RYR3: variants seen among roughly 807,000 people sequenced by gnomAD.
RYR3 encodes the protein brain ryanodine receptor-calcium release channel.
A neutral mutation model predicts 584.3 loss-of-function variants in RYR3; 207 were observed. The observed-to-expected ratio is 0.35, with a 90% confidence interval of 0.32 to 0.40. The LOEUF (loss-of-function observed/expected upper bound fraction) is 0.40. Ranked by LOEUF, RYR3 falls within the 10% of genes least tolerant of loss-of-function variation. The probability of loss-of-function intolerance (pLI) is 1.00; values close to 1 mark genes in which losing one functional copy is unlikely to be tolerated. For synonymous variants in RYR3, 2,416 were observed against 2,248.5 expected, an observed-to-expected ratio of 1.07 and a Z score of -2.11; for missense variants, 5,616 against 6,089.2, an observed-to-expected ratio of 0.92 and a Z score of 2.59.
intron 3 of RYR3, among the ~76,000 whole-genome samples, chr15:33,505,766 A>G (rs752393371): frequency 6.6e-6 from 1 of 152,190 alleles, no homozygotes; most frequent in Non-Finnish European, 1.5e-5. Flanking sequence ...TGCTGGGATT[A>G]CAAGTGTGAG....
intron 2 of RYR3, among the ~76,000 whole-genome samples, chr15:33,496,444 G>C (rs2051432744): frequency 6.6e-6 from 1 of 152,182 alleles, no homozygotes; most frequent in African/African-American, 2.4e-5. Context: ...GCCTGATGCA[G>C]TGGTGTACTA....
At chr15:33,368,473 T>G (rs969424950) in intron 1 of RYR3, among the ~76,000 whole-genome samples, 4 of 150,466 alleles carry the variant, frequency 2.7e-5, no homozygotes, top group African/African-American at 9.8e-5. Context: ...AGCCCCCACA[T>G]TAGTCTGTGT....
At chr15:33,787,568 G>T (rs2074814893) in intron 66 of RYR3, among the ~76,000 whole-genome samples, 2 of 150,802 alleles carry the variant, frequency 1.3e-5, no homozygotes, top group Admixed American at 1.3e-4. Flanking sequence ...AAGGCATATT[G>T]CTCTTTCTCT....
chr15:33,810,437 A>G (rs2076460594), intron 70 of RYR3, 42 bp from the exon 71 acceptor site: 4 of 1,606,126 alleles, frequency 2.5e-6, no homozygotes, highest in Non-Finnish European at 3.4e-6. Flanking sequence ...CTTTGGGAGA[A>G]TCACTGAACC....
chr15:33,582,627 C>T (rs1470066101), intron 14 of RYR3, among the ~76,000 whole-genome samples: 1 of 152,160 alleles, frequency 6.6e-6, no homozygotes, highest in Non-Finnish European at 1.5e-5. Flanking sequence ...ACTGTCATTT[C>T]ACTGATGATG....
intron 11 of RYR3, 51 bp from the exon 12 acceptor site, chr15:33,566,627 A>C (rs983242264): frequency 1.2e-5 from 20 of 1,601,322 alleles, no homozygotes; most frequent in Non-Finnish European, 1.5e-5. Flanking sequence ...TTGACTGCCC[A>C]TATGTGGAAT....
chr15:33,651,673 C>T (rs769760501), intron 31 of RYR3, among the ~76,000 whole-genome samples: 4 of 152,240 alleles, frequency 2.6e-5, no homozygotes, highest in Admixed American at 6.5e-5. Context: ...AATGTACTAT[C>T]CCTGCCCCTA....
chr15:33,821,204 A>T (rs2077085676), intron 78 of RYR3, 66 bp from the exon 79 acceptor site: 4 of 1,286,384 alleles, frequency 3.1e-6, no homozygotes, highest in Non-Finnish European at 3.3e-6. Flanking sequence ...CTCTCACCTC[A>T]CTATGGGTGA....
At position 33,821,265 on chromosome 15, in the gene RYR3, C is replaced by A; in HGVS notation, c.10816-5C>A. On this transcript the variant is annotated splice_polypyrimidine_tract_variant and splice_region_variant and intron_variant, in intron 78 of 103. Transcript: ENST00000634891. ...ATCTTTCCCTGTGATTTTTTTTCCC[C>A]CCAGGAGAAAGAGATGGAGAAGCAA... 1.3e-6 allele frequency: 2 copies of A among 1,585,754 alleles called. No homozygotes were observed. Among genetic ancestry groups the A allele is most frequent in the Non-Finnish European group, 1.7e-6 (2 of 1,166,098 alleles).
intron 85 of RYR3, among the ~76,000 whole-genome samples, chr15:33,829,796 A>G (rs1223543142): frequency 2.0e-5 from 3 of 152,106 alleles, no homozygotes; most frequent in Admixed American, 6.5e-5. Context: ...AAGGTCAAAT[A>G]TCAACATTAA....
At chr15:33,519,402 G>A (rs1024686443) in intron 3 of RYR3, among the ~76,000 whole-genome samples, 8 of 152,064 alleles carry the variant, frequency 5.3e-5, no homozygotes, top group South Asian at 2.1e-4. Context: ...TTGGAGTTCC[G>A]GAGAAATATT....
chr15:33,719,090 T>C (rs1020145683), intron 43 of RYR3, among the ~76,000 whole-genome samples: 4 of 152,216 alleles, frequency 2.6e-5, no homozygotes, highest in Non-Finnish European at 5.9e-5. Flanking sequence ...CCTCTTTGCC[T>C]TGGGAAGCCT....
At chr15:33,807,623 G>T in intron 70 of RYR3, 54 bp downstream of exon 70, 1 of 1,521,218 alleles carries the variant, frequency 6.6e-7, no homozygotes, top group Non-Finnish European at 8.9e-7. Flanking sequence ...GAGGTGCCGG[G>T]CTCTGGCCCC....
intron 94 of RYR3, chr15:33,852,435 C>T (rs1171544386): frequency 6.5e-6 from 1 of 154,094 alleles, no homozygotes; most frequent in Non-Finnish European, 1.4e-5. Flanking sequence ...GGTACAGAAC[C>T]ATCTCCAAAA....
intron 13 of RYR3, among the ~76,000 whole-genome samples, chr15:33,581,221 C>G (rs1392868668): frequency 6.6e-6 from 1 of 152,160 alleles, no homozygotes; most frequent in African/African-American, 2.4e-5. Flanking sequence ...TTCACCCTCC[C>G]TCTTCCTAAG....
intron 1 of RYR3, among the ~76,000 whole-genome samples, chr15:33,456,738 A>G (rs1387647816): frequency 6.6e-6 from 1 of 152,190 alleles, no homozygotes; most frequent in Admixed American, 6.5e-5. Flanking sequence ...ACTTTCACCT[A>G]TTCCTGGTGA....
chr15:33,793,924 C>CTCTCTCTA (rs372089329), intron 67 of RYR3, among the ~76,000 whole-genome samples: 9 of 141,770 alleles, frequency 6.3e-5, no homozygotes, highest in South Asian at 4.3e-4. Context: ...CACACACACT[C>CTCTCTCTA]TATATATATA....
intron 19 of RYR3, among the ~76,000 whole-genome samples, chr15:33,615,574 A>G (rs2060408378): frequency 6.6e-6 from 1 of 152,256 alleles, no homozygotes; most frequent in South Asian, 2.1e-4. Context: ...CTTGTAACAA[A>G]TGGAGAACCA....
chr15:33,571,201 T>C (rs1794906409), intron 12 of RYR3, among the ~76,000 whole-genome samples: 1 of 152,202 alleles, frequency 6.6e-6, no homozygotes, highest in South Asian at 2.1e-4. Context: ...CACCGTTAAG[T>C]GCGATATTGA....
Sources: allele counts gnomAD v4.1 joint callset (sites outside exome capture counted in the v4.1 genomes callset), GRCh38; gene constraint gnomAD v4.1.1; transcripts MANE v1.5; gene names NCBI Gene and HGNC (gene_info 2026-07-23, HGNC 2026-07-21).